Variants in SMARCA5 observed in about 807,000 individuals in gnomAD.
SMARCA5 encodes SWI/SNF-related matrix-associated actin-dependent regulator of chromatin subfamily A member 5.
SMARCA5 carries 18 observed loss-of-function variants against 140.4 expected under a neutral mutation model. That is an observed-to-expected ratio of 0.13 (90% CI 0.09 to 0.19). The LOEUF is 0.19. SMARCA5 is among the 10% of genes least tolerant of loss of function. The pLI, the probability that SMARCA5 is intolerant of heterozygous loss-of-function variation, is 1.00. For missense variants in SMARCA5, 606 were observed against 1,276.8 expected, an observed-to-expected ratio of 0.47 and a Z score of 8.01; for synonymous variants, 449 against 419.6, an observed-to-expected ratio of 1.07 and a Z score of -0.86.
chr4:143,546,071 CTT>C, intron 19 of SMARCA5, 24 bp downstream of exon 19: 1 of 1,547,502 alleles, frequency 6.5e-7, no homozygotes, highest in Non-Finnish European at 8.7e-7. Context: ...TCAGTACAAA[CTT>C]TAGTAACAGT....
intron 1 of SMARCA5, chr4:143,514,466 TC>T (rs963814131): frequency 5.1e-5 from 10 of 196,182 alleles, no homozygotes; most frequent in African/African-American, 2.3e-4. Context: ...GTTTTTAGTT[TC>T]CACCAAACTT....
At chr4:143,538,496 G>A (rs1288307893) in intron 11 of SMARCA5, 94 bp from the exon 12 acceptor site, 3 of 998,560 alleles carry the variant, frequency 3.0e-6, no homozygotes, top group South Asian at 1.5e-5. Context: ...GGTAGCTTTG[G>A]AATTAAGGAT....
intron 14 of SMARCA5, 85 bp downstream of exon 14, chr4:143,540,580 A>G: frequency 7.8e-7 from 1 of 1,276,736 alleles, no homozygotes; most frequent in Non-Finnish European, 1.1e-6. Context: ...GATTCTTGTT[A>G]CTAAGCATCC....
At position 143,543,883 on chromosome 4, in the gene SMARCA5, A is replaced by G. The variant is rs1250274907; in HGVS notation, c.2083A>G (p.Met695Val). The G allele has an allele frequency of 6.2e-7, 1 of 1,610,844 alleles. No individual in the cohort carries two copies. The highest frequency in any genetic ancestry group is 8.5e-7 in the Non-Finnish European group (1 of 1,178,868). Residue 695 changes from methionine (M) to valine (V), a missense_variant, in exon 16 of 24, where the codon ATG becomes GTG. Transcript: ENST00000283131. ...TAEMNEKLSK[M>V]GESSLRNFTM... ...AGAGATGAATGAAAAGCTCTCCAAG[A>G]TGGGCGAAAGTTCACTTAGAAACTT...
intron 14 of SMARCA5, 106 bp from the exon 15 acceptor site, chr4:143,543,403 C>A: frequency 1.1e-6 from 1 of 914,488 alleles, no homozygotes; most frequent in Non-Finnish European, 1.6e-6. Context: ...AAATGATTGA[C>A]ATTTGAGATA....
intron 13 of SMARCA5, 96 bp downstream of exon 13, chr4:143,539,034 T>C (rs369614698): frequency 2.7e-6 from 3 of 1,095,142 alleles, no homozygotes; most frequent in South Asian, 3.0e-5. Flanking sequence ...CCCAATAGAA[T>C]TTTATTTTTC....
In SMARCA5 at chr4:143,556,418, AAAC is replaced by A. The variant is rs1737757829; in HGVS notation, c.*3237_*3239del. 6.6e-6 allele frequency: 1 copy of A among 152,200 alleles called. No individual in the cohort carries two copies. The highest frequency in any genetic ancestry group is 1.5e-5 in the Non-Finnish European group (1 of 68,028). 9.4% of individuals were successfully genotyped at this position (152,200 alleles called of 1,614,324 possible). On this transcript the variant is annotated 3_prime_UTR_variant, in exon 24 of 24. Transcript: ENST00000283131. ...CTTGTTCTATCCCTTTGAATCTAAAAAACAAATCTTTTTGAAAGGATGTGCTAC... is the reference window on the plus strand; with the variant it reads ...CTTGTTCTATCCCTTTGAATCTAAAAAAATCTTTTTGAAAGGATGTGCTAC...
At chr4:143,536,398 A>G (rs899240712) in intron 10 of SMARCA5, 54 bp from the exon 11 acceptor site, 10 of 1,206,944 alleles carry the variant, frequency 8.3e-6, no homozygotes, top group Middle Eastern at 1.9e-4. Flanking sequence ...GTAAAGTGGC[A>G]GGGATTGATC....
Position 143,525,608 on chromosome 4 carries a change from G to A in SMARCA5, c.621+57G>A, listed in dbSNP as rs567784771. The A allele has an allele frequency of 1.9e-5, 22 of 1,152,056 alleles. No individual in the cohort carries two copies. In the South Asian group the frequency reaches 2.2e-4, roughly 12 times the overall value. 71.4% of individuals were successfully genotyped at this position (1,152,056 alleles called of 1,614,324 possible). On this transcript the variant is annotated intron_variant, in intron 5 of 23. Transcript: ENST00000283131. ...GTTTTGTATTGAAAATATCTTATACGTTGATAAAAGTTTCTTACAGTCTAC... is the reference window on the plus strand; with the variant it reads ...GTTTTGTATTGAAAATATCTTATACATTGATAAAAGTTTCTTACAGTCTAC...
chr4:143,529,548 T>C (rs1737141202), intron 8 of SMARCA5, among the ~76,000 whole-genome samples: 1 of 152,230 alleles, frequency 6.6e-6, no homozygotes, highest in Non-Finnish European at 1.5e-5. Flanking sequence ...AATTAGCTAT[T>C]TGAACTGTTA....
intron 14 of SMARCA5, 80 bp downstream of exon 14, chr4:143,540,575 T>C: frequency 7.5e-7 from 1 of 1,330,814 alleles, no homozygotes; most frequent in Non-Finnish European, 1.0e-6. Flanking sequence ...TAGAAGATTC[T>C]TGTTACTAAG....
chr4:143,551,703 T>C (rs1560823455), intron 23 of SMARCA5, among the ~76,000 whole-genome samples: 1 of 152,090 alleles, frequency 6.6e-6, no homozygotes, highest in African/African-American at 2.4e-5. Context: ...ATGAGTTCCA[T>C]GTAGATGTAT....
At chr4:143,516,623 T>C (rs1403960338) in intron 1 of SMARCA5, among the ~76,000 whole-genome samples, 1 of 152,202 alleles carries the variant, frequency 6.6e-6, no homozygotes, top group Non-Finnish European at 1.5e-5. Context: ...TCTATTCCAG[T>C]ACCGTACCAG....
At chr4:143,551,973 G>C (rs1737649155) in intron 23 of SMARCA5, among the ~76,000 whole-genome samples, 1 of 151,832 alleles carries the variant, frequency 6.6e-6, no homozygotes, top group East Asian at 1.9e-4. Flanking sequence ...TTTTGATAAG[G>C]ATTGCATTGA....
chr4:143,542,024 AT>A (rs1379067885), intron 14 of SMARCA5, among the ~76,000 whole-genome samples: 3 of 151,588 alleles, frequency 2.0e-5, no homozygotes, highest in Non-Finnish European at 4.4e-5. Flanking sequence ...CACCTGGCTA[AT>A]TTTTTTGTAT....
At position 143,514,030 on chromosome 4, in the gene SMARCA5, G is replaced by T. The variant is rs1241458974; in HGVS notation, c.106G>T (p.Gly36Cys). 1.3e-6 allele frequency: 2 copies of T among 1,553,582 alleles called. No individual in the cohort carries two copies. The highest frequency in any genetic ancestry group is 1.4e-5 in the African/African-American group (1 of 73,326). ...SGGSNSSNKGGPEGVAAQAVA... is the reference protein window; with the variant it reads ...SGGSNSSNKGCPEGVAAQAVA... ...CGGGAGCAACAGCAGCAACAAAGGCGGCCCCGAAGGCGTCGCGGCGCAGGC... is the reference window on the plus strand; with the variant it reads ...CGGGAGCAACAGCAGCAACAAAGGCTGCCCCGAAGGCGTCGCGGCGCAGGC... Residue 36 changes from glycine (G) to cysteine (C), a missense_variant, in exon 1 of 24, where the codon GGC becomes TGC. Gly to Cys is a radical substitution (Grantham distance 159). Transcript: ENST00000283131.
At chr4:143,525,158 C>T (rs1347633188) in intron 4 of SMARCA5, among the ~76,000 whole-genome samples, 1 of 151,250 alleles carries the variant, frequency 6.6e-6, no homozygotes, top group Non-Finnish European at 1.5e-5. Flanking sequence ...ATTAAAAAGA[C>T]GAGAGGCCAA....
chr4:143,544,289 A>T (rs1432367078), intron 16 of SMARCA5: 1 of 185,572 alleles, frequency 5.4e-6, no homozygotes, highest in African/African-American at 2.3e-5. Flanking sequence ...GCTGGTAATA[A>T]AGGGAAAAAT....
At chr4:143,520,559 G>A (rs769580794) in intron 2 of SMARCA5, among the ~76,000 whole-genome samples, 14 of 152,136 alleles carry the variant, frequency 9.2e-5, no homozygotes, top group Admixed American at 3.3e-4. Context: ...ACAACATTAT[G>A]GCATTTGGAT....
Sources: gnomAD v4.1 joint callset for allele counts (sites outside exome capture counted in the v4.1 genomes callset) on GRCh38, gnomAD v4.1.1 for gene constraint, MANE v1.5 for transcripts, NCBI Gene and HGNC (gene_info 2026-07-23, HGNC 2026-07-21) for gene names.